Variants in DIAPH3 observed in about 807,000 individuals in gnomAD.
The protein encoded by DIAPH3 is diaphanous related formin 3.
A neutral mutation model predicts 144.3 loss-of-function variants in DIAPH3; 117 were observed. The observed-to-expected ratio is 0.81, with a 90% CI of 0.70 to 0.95. The LOEUF is 0.95. DIAPH3 is among the 40% of genes least tolerant of loss of function. DIAPH3 has a pLI of 0.00. For synonymous variants in DIAPH3, 519 were observed against 488.9 expected (o/e 1.06, Z -0.81); for missense variants, 1,421 against 1,412.7 (o/e 1.01, Z -0.09).
chr13:59,920,178 C>A (rs975215277), intron 18 of DIAPH3, among the ~76,000 whole-genome samples: 1 of 151,802 alleles, frequency 6.6e-6, no homozygotes, highest in Non-Finnish European at 1.5e-5. Flanking sequence ...ATCAACAAAA[C>A]GGTAGTTATA....
chr13:59,983,878 G>A lies in DIAPH3; in HGVS notation c.1371C>T (p.Tyr457=). ...ATACACACTCATCAATTAATTTGAAGTATTGTTGCCTAAAACCAAAGAAAA... is the reference window on the plus strand; with the variant it reads ...ATACACACTCATCAATTAATTTGAAATATTGTTGCCTAAAACCAAAGAAAA... ...IRNDYFIRQQ[Y]FKLIDECVSQ... The change falls in exon 13 of 28, where the codon TAC becomes TAT. Residue 457 remains tyrosine, a synonymous_variant. Transcript: ENST00000400324. The A allele has an allele frequency of 6.2e-7, 1 of 1,600,232 alleles. No individual in the cohort carries two copies. Among genetic ancestry groups the A allele is most frequent in the Non-Finnish European group, 8.6e-7 (1 of 1,168,824 alleles).
intron 27 of DIAPH3, among the ~76,000 whole-genome samples, chr13:59,737,113 T>G (rs776581021): frequency 1.3e-5 from 2 of 152,044 alleles, no homozygotes; most frequent in African/African-American, 2.4e-5. Context: ...ATGACGAAGG[T>G]GCCAAAAGCA....
intron 18 of DIAPH3, among the ~76,000 whole-genome samples, chr13:59,918,962 A>AT (rs1188628054): frequency 2.8e-5 from 4 of 142,672 alleles, no homozygotes; most frequent in Non-Finnish European, 4.6e-5. Context: ...AAAAAAAAAA[A>AT]TCAGTATTTT....
chr13:59,837,303 T>C (rs1478517227), intron 23 of DIAPH3, among the ~76,000 whole-genome samples: 1 of 152,074 alleles, frequency 6.6e-6, no homozygotes, highest in Non-Finnish European at 1.5e-5. Context: ...TCATCCTTCC[T>C]GTTTCTGATT....
At chr13:59,682,348 G>A (rs71432773) in intron 27 of DIAPH3, among the ~76,000 whole-genome samples, 1 of 151,982 alleles carries the variant, frequency 6.6e-6, no homozygotes, top group Non-Finnish European at 1.5e-5. Flanking sequence ...TTATTGACAG[G>A]GTCTTGTCTG....
intron 24 of DIAPH3, among the ~76,000 whole-genome samples, chr13:59,824,809 C>A (rs1229242218): frequency 6.6e-6 from 1 of 151,968 alleles, no homozygotes; most frequent in Non-Finnish European, 1.5e-5. Context: ...AAATCTTAAC[C>A]TCAAAGTGGG....
chr13:60,036,423 T>A (rs531031197), intron 5 of DIAPH3, among the ~76,000 whole-genome samples: 1 of 150,878 alleles, frequency 6.6e-6, no homozygotes, highest in South Asian at 2.1e-4. Flanking sequence ...TGTTGTTGTG[T>A]TTTTTTTTCA....
chr13:60,154,225 A>G (rs1366344893), intron 1 of DIAPH3, among the ~76,000 whole-genome samples: 3 of 152,208 alleles, frequency 2.0e-5, no homozygotes. Context: ...TAACAAAAAC[A>G]ACAATCCTAT....
chr13:59,717,679 G>T (rs2035128886), intron 27 of DIAPH3, among the ~76,000 whole-genome samples: 1 of 152,044 alleles, frequency 6.6e-6, no homozygotes, highest in Non-Finnish European at 1.5e-5. Context: ...CAAAATACTG[G>T]TTGGCTTTCC....
At chr13:59,871,576 T>C (rs1045193116) in intron 21 of DIAPH3, among the ~76,000 whole-genome samples, 1 of 152,220 alleles carries the variant, frequency 6.6e-6, no homozygotes, top group African/African-American at 2.4e-5. Context: ...TTGATGATGA[T>C]AGATTACATT....
At chr13:60,085,232 T>G (rs1348677529) in intron 4 of DIAPH3, among the ~76,000 whole-genome samples, 2 of 152,158 alleles carry the variant, frequency 1.3e-5, no homozygotes, top group Non-Finnish European at 2.9e-5. Context: ...CATAGAGAAT[T>G]TCTTAGCAGC....
chr13:59,780,162 T>C (rs1173870317), intron 25 of DIAPH3, among the ~76,000 whole-genome samples: 1 of 152,020 alleles, frequency 6.6e-6, no homozygotes, highest in Non-Finnish European at 1.5e-5. Flanking sequence ...CCAAGATACC[T>C]AGGCCCCAAA....
chr13:60,058,533 A>C (rs1172319146), intron 4 of DIAPH3, among the ~76,000 whole-genome samples: 2 of 151,392 alleles, frequency 1.3e-5, no homozygotes, highest in Non-Finnish European at 3.0e-5. Context: ...GCAGTTCCAC[A>C]AATCACTTTA....
intron 27 of DIAPH3, among the ~76,000 whole-genome samples, chr13:59,681,052 T>C (rs772008337): frequency 4.6e-5 from 7 of 152,228 alleles, no homozygotes; most frequent in Non-Finnish European, 1.0e-4. Context: ...TCTCCTGGTA[T>C]ATACAAATCT....
chr13:60,145,421 G>A (rs1441684842), intron 1 of DIAPH3, among the ~76,000 whole-genome samples: 1 of 152,244 alleles, frequency 6.6e-6, no homozygotes, highest in Admixed American at 6.5e-5. Context: ...GCTGAGGCGG[G>A]TGGATCACAA....
At chr13:60,018,815 G>C (rs1391412898) in intron 5 of DIAPH3, among the ~76,000 whole-genome samples, 1 of 152,020 alleles carries the variant, frequency 6.6e-6, no homozygotes, top group Non-Finnish European at 1.5e-5. Context: ...AAGTGGGACA[G>C]GGTACAGGGA....
chr13:59,982,719 G>C (rs1020961798), intron 13 of DIAPH3, among the ~76,000 whole-genome samples: 1 of 151,582 alleles, frequency 6.6e-6, no homozygotes. Flanking sequence ...CTTGTACTCT[G>C]TTACCCTAAA....
intron 27 of DIAPH3, among the ~76,000 whole-genome samples, chr13:59,763,415 T>G (rs1228272250): frequency 6.6e-6 from 1 of 152,068 alleles, no homozygotes. Flanking sequence ...TGGTGGCTCA[T>G]ACCTGAATCC....
chr13:59,776,790 T>A (rs926895119), intron 25 of DIAPH3, among the ~76,000 whole-genome samples: 6 of 152,220 alleles, frequency 3.9e-5, no homozygotes, highest in African/African-American at 1.4e-4. Flanking sequence ...GTATAAAAGC[T>A]GGAGCAGATG....
Sources: gnomAD v4.1 joint callset for allele counts (sites outside exome capture counted in the v4.1 genomes callset) on GRCh38, gnomAD v4.1.1 for gene constraint, MANE v1.5 for transcripts, NCBI Gene and HGNC (gene_info 2026-07-23, HGNC 2026-07-21) for gene names.